The following LPP variants were observed in gnomAD, a reference collection of about 807,000 sequenced individuals.
LPP encodes the protein LIM domain containing preferred translocation partner in lipoma.
In LPP, 38 loss-of-function variants were observed where a neutral mutation model predicts 60.4. The ratio of observed to expected loss-of-function variants is 0.63; its 90% confidence interval spans 0.49 to 0.83. The LOEUF (loss-of-function observed/expected upper bound fraction) is 0.83. LPP is among the 40% of genes least tolerant of loss of function. LPP has a pLI of 0.00. For synonymous variants in LPP, 328 were observed against 290.8 expected (o/e 1.13, Z -1.30); for missense variants, 902 against 783.6 (o/e 1.15, Z -1.80).
chr3:188,830,056 T>C (rs1386346018), intron 9 of LPP, among the ~76,000 whole-genome samples: 1 of 150,998 alleles, frequency 6.6e-6, no homozygotes, highest in Non-Finnish European at 1.5e-5. Flanking sequence ...GTATAAATCA[T>C]CTAAATCATC....
intron 9 of LPP, among the ~76,000 whole-genome samples, chr3:188,805,744 C>A (rs1748925520): frequency 1.3e-5 from 2 of 151,636 alleles, no homozygotes; most frequent in Non-Finnish European, 3.0e-5. Context: ...TTTCAAAGTA[C>A]TGCTTAAGTT....
At chr3:188,697,979 C>A (rs1445031604) in intron 7 of LPP, among the ~76,000 whole-genome samples, 1 of 152,160 alleles carries the variant, frequency 6.6e-6, no homozygotes, top group Non-Finnish European at 1.5e-5. Flanking sequence ...GAAATTAGAA[C>A]CAGTCAGGGC....
chr3:188,257,171 C>A (rs1473924686), intron 2 of LPP, among the ~76,000 whole-genome samples: 1 of 152,156 alleles, frequency 6.6e-6, no homozygotes, highest in Non-Finnish European at 1.5e-5. Flanking sequence ...GTCCCTGATG[C>A]ACATATAGTA....
At chr3:188,692,250 G>A (rs986792081) in intron 7 of LPP, among the ~76,000 whole-genome samples, 1 of 152,140 alleles carries the variant, frequency 6.6e-6, no homozygotes, top group East Asian at 1.9e-4. Flanking sequence ...CTCATATATG[G>A]GTTGACTTTA....
chr3:188,419,699 G>A (rs567320907), intron 4 of LPP, among the ~76,000 whole-genome samples: 1 of 152,184 alleles, frequency 6.6e-6, no homozygotes, highest in Admixed American at 6.5e-5. Context: ...AGACCAGTCT[G>A]GCCAACATGG....
At chr3:188,559,084 G>T (rs73194457) in intron 6 of LPP, among the ~76,000 whole-genome samples, 1 of 152,038 alleles carries the variant, frequency 6.6e-6, no homozygotes, top group Non-Finnish European at 1.5e-5. Flanking sequence ...CCTTGCCTCT[G>T]TCTAGGCCTT....
At chr3:188,872,450 C>T (rs1276482269) in intron 10 of LPP, among the ~76,000 whole-genome samples, 193 bp from the exon 11 acceptor site, 1 of 152,206 alleles carries the variant, frequency 6.6e-6, no homozygotes, top group Non-Finnish European at 1.5e-5. Flanking sequence ...CTCACTCTCT[C>T]ACCTCGCCAA....
At chr3:188,535,293 G>A (rs1823266366) in intron 6 of LPP, among the ~76,000 whole-genome samples, 1 of 152,132 alleles carries the variant, frequency 6.6e-6, no homozygotes. Context: ...TTACGTAACA[G>A]AATATACCTT....
chr3:188,414,660 A>G (rs1455027226), intron 4 of LPP, among the ~76,000 whole-genome samples: 3 of 152,148 alleles, frequency 2.0e-5, no homozygotes, highest in Non-Finnish European at 4.4e-5. Context: ...TCTTTCCTAG[A>G]TGAGAATAGT....
At chr3:188,753,886 C>T (rs542294835) in intron 8 of LPP, among the ~76,000 whole-genome samples, 2 of 152,180 alleles carry the variant, frequency 1.3e-5, no homozygotes, top group East Asian at 1.9e-4. Flanking sequence ...CTTCAAGCCT[C>T]TCTATAGAAT....
At chr3:188,458,314 A>G (rs1323426920) in intron 4 of LPP, among the ~76,000 whole-genome samples, 1 of 152,200 alleles carries the variant, frequency 6.6e-6, no homozygotes, top group Non-Finnish European at 1.5e-5. Context: ...TCACTTGAAG[A>G]TGGACTTCTT....
At chr3:188,453,638 A>T (rs1471431508) in intron 4 of LPP, among the ~76,000 whole-genome samples, 1 of 151,980 alleles carries the variant, frequency 6.6e-6, no homozygotes. Flanking sequence ...TCTTTGCTTG[A>T]ATGGTTCTCT....
intron 9 of LPP, among the ~76,000 whole-genome samples, chr3:188,794,599 G>A (rs35360008): frequency 0.14 from 21,947 of 152,138 alleles, 1,897 homozygotes; most frequent in Non-Finnish European, 0.19. Context: ...AAAAGCCATC[G>A]AGGAGATTTG....
intron 5 of LPP, among the ~76,000 whole-genome samples, chr3:188,488,944 T>G (rs1267162946): frequency 4.6e-5 from 7 of 152,130 alleles, no homozygotes; most frequent in African/African-American, 1.7e-4. Context: ...GCCAGTTAGT[T>G]TTATTCTTAT....
At chr3:188,740,187 C>T (rs1723920522) in intron 8 of LPP, among the ~76,000 whole-genome samples, 1 of 152,020 alleles carries the variant, frequency 6.6e-6, no homozygotes, top group South Asian at 2.1e-4. Context: ...AAGTCAATTA[C>T]TCTGTTTCCC....
intron 9 of LPP, among the ~76,000 whole-genome samples, chr3:188,774,848 A>T (rs1374336376): frequency 6.6e-6 from 1 of 152,122 alleles, no homozygotes; most frequent in Non-Finnish European, 1.5e-5. Flanking sequence ...ATCTAGGCTT[A>T]ATCACTTCTC....
chr3:188,430,281 T>C lies in LPP; in HGVS notation c.193+23968T>C, dbSNP rs1790559635. The stretch of plus-strand genomic sequence containing the variant: ...GCAAAACTAAGATTATTAAGAAAAT[T>C]ATCAGAATTTCCTATGTGATTTTTT... On this transcript the variant is annotated intron_variant, in intron 4 of 11. Transcript: ENST00000617246. Among the ~76,000 whole-genome samples the C allele has an allele frequency of 3.3e-5, 5 of 152,252 alleles. No individual in the cohort carries two copies. The South Asian group carries it at 8.3e-4, about 25-fold the overall frequency.
chr3:188,858,999 G>A (rs1160078906), intron 9 of LPP, among the ~76,000 whole-genome samples: 1 of 149,552 alleles, frequency 6.7e-6, no homozygotes, highest in Non-Finnish European at 1.5e-5. Flanking sequence ...TGAGGCAGGA[G>A]AATCGCTTGA....
chr3:188,458,703 T>G (rs1798305512), intron 4 of LPP, among the ~76,000 whole-genome samples: 1 of 152,216 alleles, frequency 6.6e-6, no homozygotes, highest in African/African-American at 2.4e-5. Flanking sequence ...TTAGTAGGTA[T>G]GTCTAAAACA....
Sources: gnomAD v4.1 joint callset for allele counts (sites outside exome capture counted in the v4.1 genomes callset) on GRCh38, gnomAD v4.1.1 for gene constraint, MANE v1.5 for transcripts, NCBI Gene and HGNC (gene_info 2026-07-23, HGNC 2026-07-21) for gene names.